RESF1: variants seen among roughly 807,000 people sequenced by gnomAD.
The protein encoded by RESF1 is gonad expressed transcript.
In RESF1, 65 loss-of-function variants were observed where a neutral mutation model predicts 134.7. The ratio of observed to expected loss-of-function variants is 0.48; its 90% CI spans 0.40 to 0.59. The LOEUF (loss-of-function observed/expected upper bound fraction) is 0.59, where lower values mean the gene tolerates loss of function less well. Among genes scored for constraint, RESF1 ranks in the 20% least tolerant of loss-of-function variants. The pLI is 0.00. For synonymous variants in RESF1, 762 were observed against 702.2 expected (o/e 1.09, Z -1.35); for missense variants, 2,274 against 2,002.7 (o/e 1.14, Z -2.59).
At chr12:31,976,053 G>GGA (rs1451568898) in intron 3 of RESF1, among the ~76,000 whole-genome samples, 1 of 152,128 alleles carries the variant, frequency 6.6e-6, no homozygotes, top group African/African-American at 2.4e-5. Context: ...CACCATTGTA[G>GGA]GAGAGTTCCA....
Position 31,983,487 on chromosome 12 carries a change from T to G in RESF1, c.2532T>G (p.Thr844=). Residue 844 remains threonine (T), a synonymous_variant, in exon 4 of 6, where the codon ACT becomes ACG. Coordinates refer to ENST00000312561, the MANE Select transcript of RESF1 (RefSeq NM_018169.4). The part of the protein sequence containing the change: ...LTQKEKQNES[T]NGNSEVTPNV... ...AGAAGGAAAAGCAGAATGAGTCAAC[T>G]AATGGTAATTCAGAAGTCACACCTA... is the stretch of plus-strand genomic sequence containing the variant. 6.2e-7 allele frequency: 1 copy of G among 1,614,066 alleles called. No individual in the cohort carries two copies. The highest frequency in any genetic ancestry group is 2.2e-5 in the East Asian group (1 of 44,874).
chr12:31,962,095 G>A (rs1199382864), intron 2 of RESF1, among the ~76,000 whole-genome samples: 1 of 152,090 alleles, frequency 6.6e-6, no homozygotes, highest in African/African-American at 2.4e-5. Flanking sequence ...AATTAGTCGG[G>A]CGTGGTGGCA....
At chr12:31,963,323 C>T (rs1004613776) in intron 2 of RESF1, among the ~76,000 whole-genome samples, 14 of 148,738 alleles carry the variant, frequency 9.4e-5, no homozygotes, top group Admixed American at 2.0e-4. Flanking sequence ...CCAGCCTGGA[C>T]GACAGAGCGA....
At chr12:31,980,813 T>C (rs746314748) in intron 3 of RESF1, 65 bp from the exon 4 acceptor site, 2 of 619,354 alleles carry the variant, frequency 3.2e-6, no homozygotes, top group Non-Finnish European at 5.4e-6. Context: ...AGTCAGCTAC[T>C]AATTTTCTTA....
intron 5 of RESF1, 128 bp downstream of exon 5, chr12:31,987,450 GTGTT>G (rs1940002411): frequency 5.1e-6 from 3 of 590,910 alleles, no homozygotes; most frequent in Non-Finnish European, 8.9e-6. Flanking sequence ...CAGTCATTCA[GTGTT>G]TGTGTTTGAG....
intron 2 of RESF1, among the ~76,000 whole-genome samples, chr12:31,966,477 G>A (rs796700941): frequency 2.0e-5 from 3 of 152,340 alleles, no homozygotes; most frequent in Admixed American, 1.3e-4. Flanking sequence ...CAACAGACTA[G>A]TGTCAGTATT....
At chr12:31,978,944 G>A (rs1252304472) in intron 3 of RESF1, among the ~76,000 whole-genome samples, 20 of 128,868 alleles carry the variant, frequency 1.6e-4, no homozygotes, top group Middle Eastern at 5.1e-3. Flanking sequence ...TTTTTGAAAC[G>A]GAGTCTAGCT....
chr12:31,963,816 T>G (rs1382336789), intron 2 of RESF1, among the ~76,000 whole-genome samples: 1 of 152,250 alleles, frequency 6.6e-6, no homozygotes, highest in Non-Finnish European at 1.5e-5. Flanking sequence ...TCATAATATT[T>G]TTCATCCAGC....
At chr12:31,987,746 T>C (rs1940007531) in intron 5 of RESF1, among the ~76,000 whole-genome samples, 2 of 151,798 alleles carry the variant, frequency 1.3e-5, no homozygotes, top group South Asian at 2.1e-4. Context: ...TATTTATTTA[T>C]TTATTTTGAG....
At chr12:31,967,656 G>A (rs1030303768) in intron 2 of RESF1, among the ~76,000 whole-genome samples, 1 of 143,788 alleles carries the variant, frequency 7.0e-6, no homozygotes, top group African/African-American at 2.5e-5. Flanking sequence ...GCCTCCGCAG[G>A]GGGGATTTTT....
chr12:31,965,027 G>A (rs1205190887), intron 2 of RESF1, among the ~76,000 whole-genome samples: 1 of 152,150 alleles, frequency 6.6e-6, no homozygotes, highest in Non-Finnish European at 1.5e-5. Context: ...GAGTGCGGTG[G>A]TGTGATCTTG....
intron 3 of RESF1, 67 bp from the exon 4 acceptor site, chr12:31,980,811 A>G (rs1939764212): frequency 1.6e-6 from 1 of 609,202 alleles, no homozygotes. Context: ...ACAGTCAGCT[A>G]CTAATTTTCT....
chr12:31,980,858 A>C lies in RESF1; in HGVS notation c.-78-20A>C. 1.1e-6 allele frequency: 1 copy of C among 919,150 alleles called. No homozygotes were observed. Among genetic ancestry groups the C allele is most frequent in the Non-Finnish European group, 1.6e-6 (1 of 616,430 alleles). 56.9% of individuals were successfully genotyped at this position (919,150 alleles called of 1,614,324 possible). A position where few individuals can be genotyped will look rare whatever the true frequency, so the allele number is the denominator to read the frequency against. On this transcript the variant is annotated intron_variant, in intron 3 of 5. Coordinates refer to ENST00000312561, the MANE Select transcript of RESF1 (RefSeq NM_018169.4). The stretch of plus-strand genomic sequence containing the variant: ...TCTAGGCAAAACAGCATTTTAATAA[A>C]ATATCTTTATTTCTTACAGATTCCT...
At chr12:31,964,966 TTTTTTTG>T (rs1434776236) in intron 2 of RESF1, among the ~76,000 whole-genome samples, 1 of 152,106 alleles carries the variant, frequency 6.6e-6, no homozygotes, top group Non-Finnish European at 1.5e-5. Context: ...TGTCGTTTTG[TTTTTTTG>T]TTTTTTGTTT....
chr12:31,991,642 G>C (rs1002922446), intron 5 of RESF1, among the ~76,000 whole-genome samples: 5 of 148,092 alleles, frequency 3.4e-5, no homozygotes, highest in Non-Finnish European at 7.6e-5. Context: ...TTTGTTTTTT[G>C]AGACAGTCTC....
Position 31,982,749 on chromosome 12 carries a change from A to G in RESF1, c.1794A>G (p.Val598=), listed in dbSNP as rs538260304. 8 of 1,614,102 alleles carry G rather than the reference A, an allele frequency of 5.0e-6. No individual in the cohort carries two copies. The highest frequency in any genetic ancestry group is 1.6e-4 in the Middle Eastern group (1 of 6,062). The change falls in exon 4 of 6, where the codon GTA becomes GTG. Residue 598 remains valine (V), a synonymous_variant. Transcript: ENST00000312561. ...LSQARKTQKT[V]LKDANQTIQD... ...AGGCACGTAAGACTCAGAAGACAGT[A>G]TTAAAAGATGCTAATCAAACTATTC...
At chr12:31,964,558 G>T (rs1481061964) in intron 2 of RESF1, among the ~76,000 whole-genome samples, 6 of 152,136 alleles carry the variant, frequency 3.9e-5, no homozygotes, top group African/African-American at 1.4e-4. Context: ...TTGATTCTGG[G>T]TCTTTGCTAT....
At chr12:31,977,968 T>G (rs1048153765) in intron 3 of RESF1, among the ~76,000 whole-genome samples, 2 of 150,408 alleles carry the variant, frequency 1.3e-5, no homozygotes, top group African/African-American at 4.9e-5. Flanking sequence ...CCTGGCTAAT[T>G]TTTTTTTTGT....
intron 3 of RESF1, among the ~76,000 whole-genome samples, chr12:31,975,548 TG>T (rs1379978230): frequency 6.6e-6 from 1 of 152,192 alleles, no homozygotes; most frequent in East Asian, 1.9e-4. Context: ...AGGGTACAAA[TG>T]GTAAGTGTAT....
Sources: gnomAD v4.1 joint callset for allele counts (sites outside exome capture counted in the v4.1 genomes callset) on GRCh38, gnomAD v4.1.1 for gene constraint, MANE v1.5 for transcripts, NCBI Gene and HGNC (gene_info 2026-07-23, HGNC 2026-07-21) for gene names.